Variants in ADAMTS2 observed in about 807,000 individuals in gnomAD.
ADAMTS2 encodes the protein A disintegrin and metalloproteinase with thrombospondin motifs 2.
ADAMTS2 carries 50 observed loss-of-function variants against 123.0 expected under a neutral mutation model. That is an observed-to-expected ratio of 0.41 (90% CI 0.32 to 0.51). The LOEUF (loss-of-function observed/expected upper bound fraction) is 0.51, where lower values mean the gene tolerates loss of function less well. ADAMTS2 is among the 20% of genes least tolerant of loss of function. ADAMTS2 has a pLI of 0.35. For synonymous variants in ADAMTS2, 678 were observed against 695.4 expected, an observed-to-expected ratio of 0.98 and a Z score of 0.39; for missense variants, 1,494 against 1,705.2, an observed-to-expected ratio of 0.88 and a Z score of 2.18.
In ADAMTS2 at chr5:179,256,234, G is replaced by A. The variant is rs948779952; in HGVS notation, c.688+16677C>T. ...AGCCCACAGAACAGTAAGCCGCCAG[G>A]TCCCAAGTTGTCATCTTGTGACCCG... On this transcript the variant is annotated intron_variant, in intron 3 of 21. Transcript: ENST00000251582. This position sits in a 1 kb window ranked among gnomAD's most constrained non-coding sequence, Gnocchi z 4.1. Among the ~76,000 whole-genome samples, 2 of 152,202 alleles carry A rather than the reference G, an allele frequency of 1.3e-5. No individual in the cohort carries two copies. Among genetic ancestry groups the A allele is most frequent in the Non-Finnish European group, 2.9e-5 (2 of 68,038 alleles).
intron 4 of ADAMTS2, 42 bp downstream of exon 4, chr5:179,207,471 A>ACCCACCCCCCCCCCCCCCCCCCCC: frequency 9.7e-7 from 1 of 1,026,474 alleles, no homozygotes; most frequent in Non-Finnish European, 1.5e-6. Context: ...CCCCTGGTTG[A>ACCCACCCCCCCCCCCCCCCCCCCC]CCCTCCCCGC....
At chr5:179,203,179 G>T (rs1764605767) in intron 4 of ADAMTS2, among the ~76,000 whole-genome samples, 1 of 152,298 alleles carries the variant, frequency 6.6e-6, no homozygotes, top group South Asian at 2.1e-4. Flanking sequence ...TGCATTCCCT[G>T]GGTCCCCACC....
chr5:179,125,009 G>A lies in ADAMTS2; in HGVS notation c.2922C>T (p.Leu974=). The part of the protein sequence containing the change: ...PESRRACSRE[L]CPGRWRAGPW... ...GCCCGGCTCGCCAACGACCAGGGCA[G>A]AGCTCGCGGCTGCAGGCCCGGCGGC... Residue 974 remains leucine, a synonymous_variant, in exon 19 of 22, where the codon CTC becomes CTT. Coordinates refer to ENST00000251582, the MANE Select transcript of ADAMTS2 (RefSeq NM_014244.5). The A allele has an allele frequency of 6.2e-7, 1 of 1,607,274 alleles. No individual in the cohort carries two copies. Among genetic ancestry groups the A allele is most frequent in the Non-Finnish European group, 8.5e-7 (1 of 1,178,486 alleles).
chr5:179,116,285 G>A (rs977191898), intron 21 of ADAMTS2, among the ~76,000 whole-genome samples: 1 of 45,224 alleles, frequency 2.2e-5, no homozygotes, highest in Non-Finnish European at 4.4e-5. Flanking sequence ...CCCGCCACTT[G>A]AAGTCCCTGA....
At chr5:179,274,772 G>A (rs957120560) in intron 2 of ADAMTS2, among the ~76,000 whole-genome samples, 13 of 152,244 alleles carry the variant, frequency 8.5e-5, no homozygotes, top group African/African-American at 3.1e-4. Flanking sequence ...GATGCCTCCC[G>A]GCGCACTCAG....
rs248180 is a variant in ADAMTS2, at chr5:179,313,069, C to A, written c.534+30698G>T. On this transcript the variant is annotated intron_variant, in intron 2 of 21. Coordinates refer to ENST00000251582, the MANE Select transcript of ADAMTS2 (RefSeq NM_014244.5). Reference sequence around the variant, plus strand: ...GAAGTCAATGGACAACATCGAAACCCGATACATCAAGAAACAGCAATAGAA... The same window carrying A: ...GAAGTCAATGGACAACATCGAAACCAGATACATCAAGAAACAGCAATAGAA... Among the ~76,000 whole-genome samples the A allele has an allele frequency of 7.9e-3, 1,197 of 152,156 alleles. 23 individuals are homozygous for A. Among genetic ancestry groups the A allele is most frequent in the African/African-American group, 0.026 (1,063 of 41,526 alleles).
rs1277150271 is a variant in ADAMTS2 at position 179,345,377 on chromosome 5, T to C, written c.-49A>G. ...CCCGCACTCGCAGCCGGCGCGAAAG[T>C]TCCCCGCGAGCCGCCCAGCCCACAT... On this transcript the variant is annotated 5_prime_UTR_variant, in exon 1 of 22. Transcript: ENST00000251582. The surrounding 1 kb of genome is among the most constrained non-coding windows in gnomAD (Gnocchi z 7.5). The C allele has an allele frequency of 1.8e-6, 2 of 1,107,878 alleles. No individual in the cohort carries two copies. Among genetic ancestry groups the C allele is most frequent in the Non-Finnish European group, 1.1e-6 (1 of 908,946 alleles). 68.6% of individuals were successfully genotyped at this position (1,107,878 alleles called of 1,614,324 possible).
chr5:179,185,736 G>A lies in ADAMTS2; in HGVS notation c.892-4581C>T, dbSNP rs188248024. Among the ~76,000 whole-genome samples the A allele has an allele frequency of 4.1e-3, 617 of 152,132 alleles. 4 individuals carry two copies. The highest frequency in any genetic ancestry group is 0.014 in the African/African-American group (573 of 41,516). On this transcript the variant is annotated intron_variant, in intron 4 of 21. Transcript: ENST00000251582. This position sits in a 1 kb window ranked among gnomAD's most constrained non-coding sequence, Gnocchi z 5.9. ...GCCCTGGGGTGTCAGGCTGCTAGGC[G>A]TGGGCCCCTGGCTGGGGAGCTCCAC...
rs1764051803 is a variant in ADAMTS2 at position 179,181,680 on chromosome 5, T to TA, written c.892-526dup. On this transcript the variant is annotated intron_variant, in intron 4 of 21. Coordinates refer to ENST00000251582, the MANE Select transcript of ADAMTS2 (RefSeq NM_014244.5). This position sits in a 1 kb window ranked among gnomAD's most constrained non-coding sequence, Gnocchi z 4.1. ...TAACGTGTTAATAAAAAGCTCATAT[T>TA]ACTGCATCCCCAATGTGCTCTCCCT... Among the ~76,000 whole-genome samples, 1 of 152,226 alleles carries TA rather than the reference T, an allele frequency of 6.6e-6. No individual in the cohort carries two copies. Among genetic ancestry groups the TA allele is most frequent in the Non-Finnish European group, 1.5e-5 (1 of 68,036 alleles).
chr5:179,137,950 G>T lies in ADAMTS2; in HGVS notation c.1776-6C>A. 6.5e-7 allele frequency: 1 copy of T among 1,544,208 alleles called. No homozygotes were observed. On this transcript the variant is annotated splice_polypyrimidine_tract_variant and splice_region_variant and intron_variant, in intron 11 of 21. Coordinates refer to ENST00000251582, the MANE Select transcript of ADAMTS2 (RefSeq NM_014244.5). ...TGCGGCCCCCGTTGGCCGGGCTGGA[G>T]GAGAAAGCAAAGGCCTTGCCGCTCC...
At chr5:179,216,243 A>G (rs1764976645) in intron 3 of ADAMTS2, among the ~76,000 whole-genome samples, 1 of 152,134 alleles carries the variant, frequency 6.6e-6, no homozygotes. Flanking sequence ...AGCGTGACCC[A>G]CGGGGTGAAC....
At position 179,237,910 on chromosome 5, in the gene ADAMTS2, C is replaced by G. The variant is rs1765566574; in HGVS notation, c.689-30195G>C. On this transcript the variant is annotated intron_variant, in intron 3 of 21. Coordinates refer to ENST00000251582, the MANE Select transcript of ADAMTS2 (RefSeq NM_014244.5). ...GCTGAAGAGTCCCAGGCAGCCATCG[C>G]TCCCGACACGCACGCCGCAGTGTAG... Among the ~76,000 whole-genome samples, 3 of 152,340 alleles carry G rather than the reference C, an allele frequency of 2.0e-5. No individual in the cohort carries two copies. In the South Asian group the frequency reaches 6.2e-4, roughly 32 times the overall value.
In ADAMTS2 at chr5:179,193,509, C is replaced by A. The variant is rs1764352616; in HGVS notation, c.892-12354G>T. On this transcript the variant is annotated intron_variant, in intron 4 of 21. Transcript: ENST00000251582. Reference sequence around the variant, plus strand: ...GCAACTAGAAACTGTATCCCGGGACCTGGCCATTCAGACGTCAGCATGGAC... The same window carrying A: ...GCAACTAGAAACTGTATCCCGGGACATGGCCATTCAGACGTCAGCATGGAC... Among the ~76,000 whole-genome samples, 2 of 152,156 alleles carry A rather than the reference C, an allele frequency of 1.3e-5. 1 individual carries two copies. Among genetic ancestry groups the A allele is most frequent in the South Asian group, 4.1e-4 (2 of 4,820 alleles).
At position 179,197,906 on chromosome 5, in the gene ADAMTS2, TA is replaced by T. The variant is rs1233555566; in HGVS notation, c.891+9606del. Among the ~76,000 whole-genome samples the T allele has an allele frequency of 2.0e-5, 3 of 151,624 alleles. No individual in the cohort carries two copies. Among genetic ancestry groups the T allele is most frequent in the African/African-American group, 7.3e-5 (3 of 40,932 alleles). On this transcript the variant is annotated intron_variant, in intron 4 of 21. Transcript: ENST00000251582. This position sits in a 1 kb window ranked among gnomAD's most constrained non-coding sequence, Gnocchi z 4.2. ...GCCTGTCAGGCCCAAGCCCACTCTT[TA>T]GGGGTGCCCAGGCCCACACACATGG... is the stretch of plus-strand genomic sequence containing the variant.
At chr5:179,178,564 G>A (rs1325601868) in intron 5 of ADAMTS2, among the ~76,000 whole-genome samples, 2 of 152,184 alleles carry the variant, frequency 1.3e-5, no homozygotes, top group Non-Finnish European at 1.5e-5. Context: ...GTATCTTTTT[G>A]TAGTCACATT....
chr5:179,311,791 C>A (rs1756839990), intron 2 of ADAMTS2, among the ~76,000 whole-genome samples: 1 of 152,224 alleles, frequency 6.6e-6, no homozygotes, highest in African/African-American at 2.4e-5. Context: ...CCCCCACTCG[C>A]CCGTGCTGTA....
chr5:179,265,655 C>T (rs1220393379), intron 3 of ADAMTS2, among the ~76,000 whole-genome samples: 3 of 152,220 alleles, frequency 2.0e-5, no homozygotes, highest in African/African-American at 7.2e-5. Flanking sequence ...GCAACTCCAG[C>T]CTCGGAGAAT....
chr5:179,162,654 T>A lies in ADAMTS2; in HGVS notation c.976-3775A>T, dbSNP rs1327889532. ...AGACAACAAGAGAAGGCACCTCCCC[T>A]ACAGAAGCCACAGTCTGCTTTTGAT... On this transcript the variant is annotated intron_variant, in intron 5 of 21. Coordinates refer to ENST00000251582, the MANE Select transcript of ADAMTS2 (RefSeq NM_014244.5). The surrounding 1 kb of genome is among the most constrained non-coding windows in gnomAD (Gnocchi z 5.1). Among the ~76,000 whole-genome samples the A allele has an allele frequency of 6.6e-6, 1 of 152,158 alleles. No homozygotes were observed. Among genetic ancestry groups the A allele is most frequent in the Non-Finnish European group, 1.5e-5 (1 of 68,030 alleles).
chr5:179,221,891 G>A (rs1297209771), intron 3 of ADAMTS2, among the ~76,000 whole-genome samples: 2 of 152,142 alleles, frequency 1.3e-5, no homozygotes, highest in Non-Finnish European at 2.9e-5. Flanking sequence ...CCCCCCATGG[G>A]GCTGAGGAGC....
Sources: gnomAD v4.1 joint callset for allele counts (sites outside exome capture counted in the v4.1 genomes callset) on GRCh38, gnomAD v4.1.1 for gene constraint, Gnocchi (gnomAD v3.1) non-coding constraint, MANE v1.5 for transcripts, NCBI Gene and HGNC (gene_info 2026-07-23, HGNC 2026-07-21) for gene names.